The following RNGTT variants were observed in gnomAD, a reference collection of about 807,000 sequenced individuals.
RNGTT encodes RNA guanylyltransferase and 5'-phosphatase, also known as mRNA-capping enzyme.
Under a neutral mutation model 79.3 loss-of-function variants are expected in RNGTT, and 33 were observed. The ratio of observed to expected loss-of-function variants is 0.42; its 90% CI spans 0.32 to 0.56. RNGTT has a LOEUF of 0.56. Ranked by LOEUF, RNGTT falls within the 20% of genes least tolerant of loss-of-function variation. The pLI, the probability that RNGTT is intolerant of heterozygous loss-of-function variation, is 0.17. For missense variants in RNGTT, 497 were observed against 739.1 expected (o/e 0.67, Z 3.80); for synonymous variants, 222 against 235.9 (o/e 0.94, Z 0.54).
chr6:88,674,657 A>T (rs1227675588), intron 14 of RNGTT, among the ~76,000 whole-genome samples: 2 of 152,212 alleles, frequency 1.3e-5, no homozygotes, highest in Non-Finnish European at 2.9e-5. Context: ...AAAACATAAA[A>T]ATATGTCATA....
chr6:88,713,143 T>C (rs9353593), intron 13 of RNGTT, among the ~76,000 whole-genome samples: 26,240 of 152,040 alleles, frequency 0.17, 2,425 homozygotes, highest in Middle Eastern at 0.27. Context: ...GGTGGGGCCT[T>C]TGTGATGCAA....
intron 13 of RNGTT, among the ~76,000 whole-genome samples, chr6:88,743,717 T>C (rs1777569188): frequency 6.6e-6 from 1 of 152,246 alleles, no homozygotes; most frequent in Admixed American, 6.5e-5. Context: ...TAACCATTCA[T>C]CTACAGACAC....
intron 13 of RNGTT, among the ~76,000 whole-genome samples, chr6:88,699,202 C>T (rs1270725945): frequency 6.6e-6 from 1 of 152,146 alleles, no homozygotes; most frequent in Non-Finnish European, 1.5e-5. Context: ...GAAAAGTAGT[C>T]ATATAATACT....
intron 14 of RNGTT, among the ~76,000 whole-genome samples, chr6:88,671,096 C>T (rs532335785): frequency 6.6e-6 from 1 of 152,250 alleles, no homozygotes; most frequent in Non-Finnish European, 1.5e-5. Context: ...AATGGAAGTC[C>T]TAGCCAGGGC....
At chr6:88,763,087 CTTTTTTTTTTTT>C (rs59200191) in intron 13 of RNGTT, among the ~76,000 whole-genome samples, 1 of 95,522 alleles carries the variant, frequency 1.0e-5, no homozygotes. Flanking sequence ...TCATGGCCAG[CTTTTTTTTTTTT>C]TTTTTTTTTT....
chr6:88,845,276 T>C (rs62428975), intron 10 of RNGTT, among the ~76,000 whole-genome samples: 18,659 of 152,218 alleles, frequency 0.12, 1,271 homozygotes, highest in Middle Eastern at 0.21. Flanking sequence ...GAAGTTTACA[T>C]AATATGTTCA....
chr6:88,954,903 C>G (rs910561236), intron 1 of RNGTT, among the ~76,000 whole-genome samples: 4 of 151,566 alleles, frequency 2.6e-5, no homozygotes, highest in African/African-American at 9.7e-5. Flanking sequence ...ATTAGCCAGC[C>G]ATGTACTAAA....
intron 13 of RNGTT, among the ~76,000 whole-genome samples, chr6:88,754,625 T>C (rs1034303997): frequency 6.6e-6 from 1 of 152,132 alleles, no homozygotes. Context: ...ATAAACAAAA[T>C]GTCTGCAGCA....
chr6:88,744,206 A>C (rs559602815), intron 13 of RNGTT, among the ~76,000 whole-genome samples: 5 of 152,198 alleles, frequency 3.3e-5, no homozygotes, highest in Admixed American at 2.6e-4. Context: ...AATCATTCTA[A>C]AATAGTTGGT....
rs551168021 is a variant in RNGTT, at chr6:88,649,933, G to A, written c.1506+28420C>T. 6.6e-5 allele frequency among the ~76,000 whole-genome samples: 10 copies of A among 152,230 alleles called. No homozygotes were observed. The South Asian group carries it at 1.2e-3, about 19-fold the overall frequency. On this transcript the variant is annotated intron_variant, in intron 14 of 15. Coordinates refer to ENST00000369485, the MANE Select transcript of RNGTT (RefSeq NM_003800.5). ...AAGGGTATTCCTAGTACTCTAACAC[G>A]AATGAATAGAATTCAAATGAACAGA...
At chr6:88,689,958 A>C (rs886692115) in intron 13 of RNGTT, among the ~76,000 whole-genome samples, 1 of 152,110 alleles carries the variant, frequency 6.6e-6, no homozygotes, top group Non-Finnish European at 1.5e-5. Flanking sequence ...ACCAGTATTA[A>C]AGCTTATCAA....
intron 14 of RNGTT, among the ~76,000 whole-genome samples, chr6:88,638,961 G>A (rs139996574): frequency 1.5e-4 from 23 of 152,090 alleles, no homozygotes; most frequent in Middle Eastern, 3.4e-3. Flanking sequence ...TGAATTATAC[G>A]ACTTTTGGTA....
At chr6:88,828,480 C>T (rs940362475) in intron 11 of RNGTT, among the ~76,000 whole-genome samples, 2 of 152,106 alleles carry the variant, frequency 1.3e-5, no homozygotes, top group Non-Finnish European at 2.9e-5. Context: ...CAGAATGCCT[C>T]TTCTCCTCCA....
intron 12 of RNGTT, among the ~76,000 whole-genome samples, chr6:88,784,490 G>A (rs1304868498): frequency 6.6e-6 from 1 of 152,054 alleles, no homozygotes; most frequent in Non-Finnish European, 1.5e-5. Context: ...ATAAATGGGA[G>A]TAATATAGAA....
chr6:88,925,989 C>T (rs1003550374), intron 4 of RNGTT, among the ~76,000 whole-genome samples: 3 of 152,164 alleles, frequency 2.0e-5, no homozygotes, highest in African/African-American at 7.2e-5. Context: ...TCAAGTGGTT[C>T]TGATACAGGC....
rs180757160 is a variant in RNGTT at position 88,615,576 on chromosome 6, C to T, written c.1507-1181G>A. Among the ~76,000 whole-genome samples the T allele has an allele frequency of 1.7e-3, 261 of 152,212 alleles. 3 individuals are homozygous for T. Among genetic ancestry groups the T allele is most frequent in the African/African-American group, 6.2e-3 (256 of 41,548 alleles). On this transcript the variant is annotated intron_variant, in intron 14 of 15. Transcript: ENST00000369485. ...CATTATTTTAGTCTCAATTCTCTTG[C>T]CTTGCTTTCTAGGGACCCATTCTTT...
At chr6:88,658,817 A>C (rs941366876) in intron 14 of RNGTT, among the ~76,000 whole-genome samples, 1 of 152,212 alleles carries the variant, frequency 6.6e-6, no homozygotes, top group Non-Finnish European at 1.5e-5. Context: ...CCTGCCCTCA[A>C]ACATCAGACT....
chr6:88,906,293 A>C, intron 5 of RNGTT, 72 bp downstream of exon 5: 1 of 966,514 alleles, frequency 1.0e-6, no homozygotes, highest in Non-Finnish European at 1.5e-6. Context: ...ACAATACAAA[A>C]TTCTGCAACT....
intron 7 of RNGTT, among the ~76,000 whole-genome samples, chr6:88,891,505 T>C (rs1783046875): frequency 6.6e-6 from 1 of 152,166 alleles, no homozygotes; most frequent in Non-Finnish European, 1.5e-5. Context: ...ACCTCTTCCC[T>C]CTTATCAAAT....
Sources: allele counts gnomAD v4.1 joint callset (sites outside exome capture counted in the v4.1 genomes callset), GRCh38; gene constraint gnomAD v4.1.1; transcripts MANE v1.5; gene names NCBI Gene and HGNC (gene_info 2026-07-23, HGNC 2026-07-21).